KMT2A: variants seen among roughly 807,000 people sequenced by gnomAD.
KMT2A encodes the protein lysine methyltransferase 2A.
A neutral mutation model predicts 345.3 loss-of-function variants in KMT2A; 16 were observed. That is an observed-to-expected ratio of 0.05 (90% CI 0.03 to 0.07). KMT2A has a LOEUF of 0.07. Ranked by LOEUF, KMT2A falls within the 10% of genes least tolerant of loss-of-function variation. KMT2A has a pLI of 1.00. For missense variants in KMT2A, 3,272 were observed against 4,841.6 expected, an observed-to-expected ratio of 0.68 and a Z score of 9.62; for synonymous variants, 1,599 against 1,778.6, an observed-to-expected ratio of 0.90 and a Z score of 2.54.
chr11:118,460,966 A>G (rs1238179760), intron 1 of KMT2A, among the ~76,000 whole-genome samples: 1 of 152,244 alleles, frequency 6.6e-6, no homozygotes, highest in African/African-American at 2.4e-5. Context: ...ATATAGCCCT[A>G]GGGCAAGTGT....
At chr11:118,480,052 TCAAC>T in intron 5 of KMT2A, 118 bp from the exon 6 acceptor site, 1 of 749,766 alleles carries the variant, frequency 1.3e-6, no homozygotes, top group South Asian at 1.8e-5. Flanking sequence ...AGTCCTTTTT[TCAAC>T]TATAAAAATG....
At position 118,491,019 on chromosome 11, in the gene KMT2A, G is replaced by A. The variant is rs9332810; in HGVS notation, c.4697-177G>A. ...ATGAAGCTTTTCTGTGAGTATTCGA[G>A]GGGCTCAGAATAATCTTGAGACTGC... On this transcript the variant is annotated intron_variant, in intron 13 of 35. Transcript: ENST00000534358. The surrounding 1 kb of genome is among the most constrained non-coding windows in gnomAD (Gnocchi z 4.2). 0.023 allele frequency among the ~76,000 whole-genome samples: 3,537 copies of A among 152,246 alleles called. 151 individuals are homozygous for A. The highest frequency in any genetic ancestry group is 0.078 in the African/African-American group (3,251 of 41,528).
At chr11:118,482,193 A>T (rs1950145535) in intron 7 of KMT2A, 101 bp downstream of exon 7, 1 of 1,333,660 alleles carries the variant, frequency 7.5e-7, no homozygotes, top group African/African-American at 1.5e-5. Context: ...TATGATTTGA[A>T]GTCTTCAGTT....
intron 8 of KMT2A, among the ~76,000 whole-genome samples, chr11:118,483,345 A>G (rs1555039903): frequency 6.7e-6 from 1 of 149,870 alleles, no homozygotes; most frequent in Non-Finnish European, 1.5e-5. Context: ...ATCCTGGCTA[A>G]CACGGTGAAA....
Position 118,472,861 on chromosome 11 carries a change from C to G in KMT2A, c.1702C>G (p.Pro568Ala), listed in dbSNP as rs1409300943. The G allele has an allele frequency of 6.2e-7, 1 of 1,613,872 alleles. No individual in the cohort carries two copies. The highest frequency in any genetic ancestry group is 8.5e-7 in the Non-Finnish European group (1 of 1,179,966). Reference protein sequence around the residue: ...SSSPPPPLLTPPPPLQPASSI... With the variant: ...SSSPPPPLLTAPPPLQPASSI... ...GTCTCCACCTCCACCTCTGCTGACT[C>G]CACCGCCACCACTGCAGCCAGCCTC... The change falls in exon 3 of 36, where the codon CCA becomes GCA. Residue 568 changes from proline (P) to alanine (A), a missense_variant. This residue lies in a region of KMT2A where 180 missense variants were observed against 190.7 expected (regional missense o/e 0.94). Coordinates refer to ENST00000534358, the MANE Select transcript of KMT2A (RefSeq NM_001197104.2).
chr11:118,491,301 A>C lies in KMT2A; in HGVS notation c.4802A>C (p.Asn1601Thr). Residue 1601 changes from asparagine (N) to threonine (T), a missense_variant, in exon 14 of 36, where the codon AAT (asparagine) becomes ACT (threonine). Physicochemically the swap from Asn to Thr is moderately conservative, Grantham distance 65. Transcript: ENST00000534358. This position sits in a 1 kb window ranked among gnomAD's most constrained non-coding sequence, Gnocchi z 4.2. ...CGCTGGGTCCATTCCAAATGTGAGA[A>C]TCTTTCAGGTACAGAAGGTTGGAGT... ...CDRWVHSKCE[N>T]LSGTEDEMYE... 1 of 1,613,868 alleles carries C rather than the reference A, an allele frequency of 6.2e-7. No individual in the cohort carries two copies. The highest frequency in any genetic ancestry group is 2.2e-5 in the East Asian group (1 of 44,858).
In KMT2A at chr11:118,503,573, C is replaced by T; in HGVS notation, c.7681C>T (p.Pro2561Ser). Residue 2561 changes from proline to serine, a missense_variant, in exon 27 of 36, where the codon CCA (proline) becomes TCA (serine). Physicochemically the swap from Pro to Ser is moderately conservative, Grantham distance 74. Around this residue, in one of 27 missense-constraint regions of KMT2A, gnomAD observed 445 missense variants for 500.9 expected, o/e 0.89. Coordinates refer to ENST00000534358, the MANE Select transcript of KMT2A (RefSeq NM_001197104.2). The surrounding 1 kb of genome is among the most constrained non-coding windows in gnomAD (Gnocchi z 5.3). ...AATAGAGTCAACATCTCCCACAGAA[C>T]CAATTTCAGCCTCTGAAAATCCAGG... is the stretch of plus-strand genomic sequence containing the variant. ...LQIESTSPTE[P>S]ISASENPGDG... The T allele has an allele frequency of 6.2e-7, 1 of 1,614,160 alleles. No individual in the cohort carries two copies.
At chr11:118,440,996 C>T (rs1477989382) in intron 1 of KMT2A, among the ~76,000 whole-genome samples, 1 of 152,016 alleles carries the variant, frequency 6.6e-6, no homozygotes, top group Non-Finnish European at 1.5e-5. Context: ...TGGGCAAATT[C>T]ACTTTTAACC....
Position 118,476,963 on chromosome 11 carries a change from G to A in KMT2A, c.3315G>A (p.Leu1105=). 1 of 1,614,158 alleles carries A rather than the reference G, an allele frequency of 6.2e-7. No individual in the cohort carries two copies. Among genetic ancestry groups the A allele is most frequent in the South Asian group, 1.1e-5 (1 of 91,080 alleles). The stretch of plus-strand genomic sequence containing the variant: ...CATGGGAAGAACGAGAAAAGATTTT[G>A]TCTTCCATGGGGAATGATGGTAGGT... ...ALPWEEREKI[L]SSMGNDDKSS... is the part of the protein sequence containing the mutation. Residue 1105 remains leucine, a synonymous_variant, in exon 4 of 36, where the codon TTG becomes TTA. Coordinates refer to ENST00000534358, the MANE Select transcript of KMT2A (RefSeq NM_001197104.2). This position sits in a 1 kb window ranked among gnomAD's most constrained non-coding sequence, Gnocchi z 4.1.
In KMT2A at chr11:118,490,171, A is replaced by G. The variant is rs1950302870; in HGVS notation, c.4618A>G (p.Thr1540Ala). The G allele has an allele frequency of 6.2e-7, 1 of 1,608,664 alleles. No individual in the cohort carries two copies. Among genetic ancestry groups the G allele is most frequent in the Non-Finnish European group, 8.5e-7 (1 of 1,178,480 alleles). ...CVRCKSCGST[T>A]PGKGWDAQWS... ...TCGCTGTAAGAGCTGTGGATCCACA[A>G]CTCCAGGCAAAGGGTGGGATGCACA... The change falls in exon 13 of 36, where the codon ACT becomes GCT. Residue 1540 changes from threonine (T) to alanine (A), a missense_variant. By Grantham distance (58) the Thr-to-Ala change is moderately conservative. Coordinates refer to ENST00000534358, the MANE Select transcript of KMT2A (RefSeq NM_001197104.2). The surrounding 1 kb of genome is among the most constrained non-coding windows in gnomAD (Gnocchi z 4.2).
rs1555035860 is a variant in KMT2A at position 118,472,362 on chromosome 11, A to G, written c.1203A>G (p.Thr401=). The G allele has an allele frequency of 1.2e-6, 2 of 1,614,120 alleles. No homozygotes were observed. The highest frequency in any genetic ancestry group is 1.7e-6 in the Non-Finnish European group (2 of 1,180,012). The stretch of plus-strand genomic sequence containing the variant: ...AGCTGCAGGGAAGAAAGGTGAAGAC[A>G]CAGGTCAAAAATATTCGACAGTTCA... ...AAQLQGRKVK[T]QVKNIRQFIM... Residue 401 remains threonine, a synonymous_variant, in exon 3 of 36, where the codon ACA becomes ACG. Transcript: ENST00000534358.
intron 10 of KMT2A, among the ~76,000 whole-genome samples, chr11:118,485,773 C>A (rs1950216837): frequency 6.6e-6 from 1 of 152,120 alleles, no homozygotes; most frequent in Admixed American, 6.5e-5. Flanking sequence ...CTATAGGGAG[C>A]ATGGGTTAAA....
rs533795027 is a variant in KMT2A at position 118,436,739 on chromosome 11, G to A, written c.227G>A (p.Gly76Glu). Residue 76 changes from glycine to glutamate, a missense_variant, in exon 1 of 36, where the codon GGG (glycine) becomes GAG (glutamate). Around this residue, in one of 27 missense-constraint regions of KMT2A, gnomAD observed 412 missense variants for 511.0 expected, o/e 0.81. Coordinates refer to ENST00000534358, the MANE Select transcript of KMT2A (RefSeq NM_001197104.2). This position sits in a 1 kb window ranked among gnomAD's most constrained non-coding sequence, Gnocchi z 6.9. ...GGAAGCAGCGGGGCTGGGGTTCCAGGGGGAGCGGCCGCCGCCTCAGCAGCC... is the reference window on the plus strand; with the variant it reads ...GGAAGCAGCGGGGCTGGGGTTCCAGAGGGAGCGGCCGCCGCCTCAGCAGCC... Reference protein sequence around the residue: ...AAGSSGAGVPGGAAAASAASS... With the variant: ...AAGSSGAGVPEGAAAASAASS... 1 of 1,583,484 alleles carries A rather than the reference G, an allele frequency of 6.3e-7. No homozygotes were observed.
intron 2 of KMT2A, among the ~76,000 whole-genome samples, chr11:118,471,117 C>T (rs9332771): frequency 0.023 from 3,511 of 152,230 alleles, 149 homozygotes; most frequent in African/African-American, 0.078. Context: ...TTCAGTAAAA[C>T]TTTCTTAGTC....
Position 118,496,198 on chromosome 11 carries a change from G to T in KMT2A, c.5558-63G>T. ...ATTATTTCTTTTTTCCTTGAAATCA[G>T]ACATAGTATTGCCAATTTTAACTGG... On this transcript the variant is annotated intron_variant, in intron 19 of 35. Transcript: ENST00000534358. The surrounding 1 kb of genome is among the most constrained non-coding windows in gnomAD (Gnocchi z 4.7). 1 of 1,174,024 alleles carries T rather than the reference G, an allele frequency of 8.5e-7. No homozygotes were observed. Among genetic ancestry groups the T allele is most frequent in the Non-Finnish European group, 1.3e-6 (1 of 781,920 alleles). The allele number at this position is 1,174,024 out of a possible 1,614,324, so 72.7% of individuals were successfully genotyped here.
intron 1 of KMT2A, among the ~76,000 whole-genome samples, chr11:118,441,510 T>C (rs1949313356): frequency 6.6e-6 from 1 of 152,162 alleles, no homozygotes; most frequent in Non-Finnish European, 1.5e-5. Flanking sequence ...CTAAATGTGT[T>C]GTCATTGTTG....
intron 6 of KMT2A, 139 bp from the exon 7 acceptor site, chr11:118,481,576 C>A: frequency 1.1e-6 from 1 of 873,666 alleles, no homozygotes; most frequent in Non-Finnish European, 1.7e-6. Flanking sequence ...GTGCAGATAT[C>A]TCTTTGATAT....
chr11:118,507,906 T>C (rs1008930765), intron 28 of KMT2A: 4 of 305,342 alleles, frequency 1.3e-5, no homozygotes, highest in African/African-American at 8.5e-5. Context: ...GAGCTTGCAG[T>C]GAGCTGAGAT....
chr11:118,517,395 C>CAAAAAAA (rs11436622), intron 31 of KMT2A, among the ~76,000 whole-genome samples: 3 of 113,802 alleles, frequency 2.6e-5, no homozygotes, highest in South Asian at 3.4e-4. Flanking sequence ...GACTCTGTCT[C>CAAAAAAA]AAAAAAAAAA....
Sources: gnomAD v4.1 joint callset for allele counts (sites outside exome capture counted in the v4.1 genomes callset) on GRCh38, gnomAD v4.1.1 for gene constraint, gnomAD v4.1.1 regional missense constraint, Gnocchi (gnomAD v3.1) non-coding constraint, MANE v1.5 for transcripts, NCBI Gene and HGNC (gene_info 2026-07-23, HGNC 2026-07-21) for gene names.